KIF5C: variants seen among roughly 807,000 people sequenced by gnomAD.
The protein encoded by KIF5C is kinesin family member 5C, also known as kinesin heavy chain isoform 5C.
KIF5C carries 18 observed loss-of-function variants against 125.2 expected under a neutral mutation model. That is an observed-to-expected ratio of 0.14 (90% CI 0.10 to 0.21). KIF5C has a LOEUF of 0.21. Ranked by LOEUF, KIF5C falls within the 10% of genes least tolerant of loss-of-function variation. The probability of loss-of-function intolerance (pLI) is 1.00; values close to 1 mark genes in which losing one functional copy is unlikely to be tolerated. For missense variants in KIF5C, 780 were observed against 1,183.8 expected, an observed-to-expected ratio of 0.66 and a Z score of 5.01; for synonymous variants, 405 against 434.0, an observed-to-expected ratio of 0.93 and a Z score of 0.83.
chr2:149,002,616 A>C (rs953210259), intron 21 of KIF5C, among the ~76,000 whole-genome samples: 18 of 150,402 alleles, frequency 1.2e-4, no homozygotes, highest in African/African-American at 3.4e-4. Flanking sequence ...TCTCACCCTC[A>C]CTCCCCTTGC....
intron 1 of KIF5C, chr2:148,878,552 G>A (rs1034301340): frequency 2.6e-5 from 4 of 152,212 alleles, no homozygotes; most frequent in Non-Finnish European, 5.9e-5. Flanking sequence ...CAGAATAGAA[G>A]ACTGCCAGAT....
intron 3 of KIF5C, 92 bp downstream of exon 3, chr2:148,929,446 T>A: frequency 1.3e-6 from 1 of 753,214 alleles, no homozygotes; most frequent in Non-Finnish European, 2.2e-6. Context: ...TGGCTTTCTT[T>A]ACTGGGAAAT....
intron 15 of KIF5C, 133 bp downstream of exon 15, chr2:148,983,899 A>G (rs1681305469): frequency 7.4e-6 from 9 of 1,224,344 alleles, no homozygotes; most frequent in Non-Finnish European, 1.0e-6. Flanking sequence ...GTTTGAATGA[A>G]TGAAAAAAGG....
rs571122569 is a variant in KIF5C at position 149,007,263 on chromosome 2, CTCT to C, written c.2446-696_2446-694del. On this transcript the variant is annotated intron_variant, in intron 22 of 25. Coordinates refer to ENST00000435030, the MANE Select transcript of KIF5C (RefSeq NM_004522.3). ...TACCTTTGAGAAAAAGGATGATGAT[CTCT>C]TCTATAATCAGACAGAGCAAACCTG... Among the ~76,000 whole-genome samples the C allele has an allele frequency of 1.1e-3, 160 of 152,302 alleles. 1 individual carries two copies. The highest frequency in any genetic ancestry group is 3.6e-3 in the African/African-American group (151 of 41,554).
chr2:148,938,885 C>T (rs1022262827), intron 4 of KIF5C, among the ~76,000 whole-genome samples: 2 of 151,378 alleles, frequency 1.3e-5, no homozygotes, highest in East Asian at 1.9e-4. Context: ...CAGGAGTTCA[C>T]GACCAGCCTG....
intron 14 of KIF5C, 149 bp from the exon 15 acceptor site, chr2:148,983,470 GT>G (rs746590365): frequency 2.7e-5 from 29 of 1,086,864 alleles, no homozygotes; most frequent in Non-Finnish European, 3.6e-5. Context: ...CAAGAATGCA[GT>G]GCTATGCGAG....
chr2:149,013,969 G>A (rs949318794), intron 25 of KIF5C, among the ~76,000 whole-genome samples: 2 of 152,116 alleles, frequency 1.3e-5, no homozygotes, highest in Non-Finnish European at 2.9e-5. Flanking sequence ...TGTGCTCAAT[G>A]TCCAGGTTTG....
At chr2:148,907,585 A>G (rs912816295) in intron 1 of KIF5C, among the ~76,000 whole-genome samples, 4 of 152,220 alleles carry the variant, frequency 2.6e-5, no homozygotes, top group Non-Finnish European at 5.9e-5. Flanking sequence ...AATCTAATCT[A>G]GGAAGAAAAG....
chr2:148,967,276 G>C (rs1680756828), intron 11 of KIF5C, among the ~76,000 whole-genome samples: 1 of 152,236 alleles, frequency 6.6e-6, no homozygotes, highest in Non-Finnish European at 1.5e-5. Flanking sequence ...AAAGCAAAAA[G>C]AGAATGTGTT....
At chr2:148,915,133 C>T (rs1681493696) in intron 1 of KIF5C, among the ~76,000 whole-genome samples, 1 of 151,976 alleles carries the variant, frequency 6.6e-6, no homozygotes, top group Non-Finnish European at 1.5e-5. Context: ...ATAGTGACTT[C>T]AGGACTGCTA....
chr2:148,907,531 T>C (rs1681160657), intron 1 of KIF5C, among the ~76,000 whole-genome samples: 1 of 152,190 alleles, frequency 6.6e-6, no homozygotes, highest in South Asian at 2.1e-4. Flanking sequence ...TATTCCTGGG[T>C]ATATTGGATC....
At chr2:148,993,712 C>A (rs1354061793) in intron 16 of KIF5C, among the ~76,000 whole-genome samples, 4 of 152,208 alleles carry the variant, frequency 2.6e-5, no homozygotes, top group Non-Finnish European at 5.9e-5. Context: ...ATATATTTTC[C>A]ATCTGCCTAG....
At chr2:148,966,989 T>C (rs1300802603) in intron 11 of KIF5C, among the ~76,000 whole-genome samples, 2 of 152,206 alleles carry the variant, frequency 1.3e-5, no homozygotes, top group African/African-American at 2.4e-5. Context: ...TACTTTCTTA[T>C]AGCAGCTCCA....
chr2:148,918,641 C>T (rs1235652213), intron 1 of KIF5C, among the ~76,000 whole-genome samples: 1 of 152,150 alleles, frequency 6.6e-6, no homozygotes, highest in Non-Finnish European at 1.5e-5. Flanking sequence ...AGGCTGTGAA[C>T]TGGGGAATAA....
At chr2:149,020,570 G>A (rs934932227) in intron 25 of KIF5C, among the ~76,000 whole-genome samples, 53 of 152,150 alleles carry the variant, frequency 3.5e-4, no homozygotes, top group African/African-American at 1.2e-3. Context: ...TGTGTCTAGT[G>A]CTTGCTGTGT....
intron 21 of KIF5C, among the ~76,000 whole-genome samples, chr2:149,001,162 G>C (rs924153897): frequency 1.3e-5 from 2 of 152,182 alleles, no homozygotes; most frequent in Non-Finnish European, 2.9e-5. Context: ...TAAGATCCCT[G>C]TCCTCATGAA....
In KIF5C at chr2:149,025,132, A is replaced by G. The variant is rs1682652514; in HGVS notation, c.*2062A>G. ...CCCTGGGTACCCCGTTTCTACTTCT[A>G]AAGAATTGCTTGGCACTTTCATGTT... On this transcript the variant is annotated 3_prime_UTR_variant, in exon 26 of 26. Coordinates refer to ENST00000435030, the MANE Select transcript of KIF5C (RefSeq NM_004522.3). 6.6e-6 allele frequency: 1 copy of G among 152,592 alleles called. No individual in the cohort carries two copies. Among genetic ancestry groups the G allele is most frequent in the South Asian group, 2.1e-4 (1 of 4,826 alleles). 9.5% of individuals were successfully genotyped at this position (152,592 alleles called of 1,614,324 possible).
intron 11 of KIF5C, among the ~76,000 whole-genome samples, chr2:148,965,251 GTCA>G (rs112346117): frequency 0.013 from 1,908 of 152,108 alleles, 24 homozygotes; most frequent in Middle Eastern, 0.065. Context: ...TTGAGTTGGA[GTCA>G]TCAGTCTTTT....
Position 148,924,494 on chromosome 2 carries a change from A to AT in KIF5C, c.217+2267_217+2268insT, listed in dbSNP as rs139208490. Among the ~76,000 whole-genome samples the AT allele has an allele frequency of 0.17, 25,089 of 152,034 alleles. 3,473 individuals are homozygous for AT. Among genetic ancestry groups the AT allele is most frequent in the African/African-American group, 0.38 (15,646 of 41,374 alleles). On this transcript the variant is annotated intron_variant, in intron 2 of 25. Transcript: ENST00000435030. The surrounding 1 kb of genome is among the most constrained non-coding windows in gnomAD (Gnocchi z 4.0). ...CCTACCACTTCACTGGGTTAAAAAAAATATATTTTAAATGTTTGTTTGTGG... is the reference window on the plus strand; with the variant it reads ...CCTACCACTTCACTGGGTTAAAAAAATATATATTTTAAATGTTTGTTTGTGG...
Sources: allele counts gnomAD v4.1 joint callset (sites outside exome capture counted in the v4.1 genomes callset), GRCh38; gene constraint gnomAD v4.1.1; non-coding constraint Gnocchi (gnomAD v3.1); transcripts MANE v1.5; gene names NCBI Gene and HGNC (gene_info 2026-07-23, HGNC 2026-07-21).